NECAP2: variants seen among roughly 807,000 people sequenced by gnomAD.
NECAP2 encodes the protein NECAP endocytosis associated 2.
Under a neutral mutation model 37.8 loss-of-function variants are expected in NECAP2, and 38 were observed. The observed-to-expected ratio is 1.01, with a 90% confidence interval of 0.78 to 1.32. NECAP2 has a LOEUF of 1.32. Among genes scored for constraint, NECAP2 ranks in the 40% most tolerant of loss-of-function variants. The probability of loss-of-function intolerance (pLI) is 0.00; values close to 1 mark genes in which losing one functional copy is unlikely to be tolerated. For synonymous variants in NECAP2, 121 were observed against 127.7 expected, an observed-to-expected ratio of 0.95 and a Z score of 0.35; for missense variants, 316 against 334.5, an observed-to-expected ratio of 0.94 and a Z score of 0.43.
chr1:16,443,781 A>G (rs1473161244), intron 2 of NECAP2, 49 bp downstream of exon 2: 1 of 1,456,648 alleles, frequency 6.9e-7, no homozygotes. Flanking sequence ...ACCCCACTTT[A>G]TGAAGGGAGA....
At position 16,451,911 on chromosome 1, in the gene NECAP2, T is replaced by C. The variant is rs781648130; in HGVS notation, c.563T>C (p.Leu188Pro). 6.2e-7 allele frequency: 1 copy of C among 1,614,076 alleles called. No individual in the cohort carries two copies. Among genetic ancestry groups the C allele is most frequent in the Non-Finnish European group, 8.5e-7 (1 of 1,179,952 alleles). ...RPASTGGLSL[L>P]PPPPGGKTST... ...GCCAGCACAGGAGGGCTGAGCCTGC[T>C]TCCCCCTCCCCCAGGGGGGAAAACC... Residue 188 changes from leucine (L) to proline (P), a missense_variant, in exon 6 of 8, where the codon CTT becomes CCT. Physicochemically the swap from Leu to Pro is moderately conservative, Grantham distance 98. Around this residue, in one of 3 missense-constraint regions of NECAP2, gnomAD observed 204 missense variants for 188.6 expected, o/e 1.08. Transcript: ENST00000337132.
Position 16,451,947 on chromosome 1 carries a change from T to C in NECAP2, c.599T>C (p.Ile200Thr). ...CCAGGGGGGAAAACCTCCACCCTGA[T>C]CCCTCCCCCTGGGGAGCAGTTGGCT... ...PPPGGKTSTLIPPPGEQLAVG... is the reference protein window; with the variant it reads ...PPPGGKTSTLTPPPGEQLAVG... The change falls in exon 6 of 8, where the codon ATC becomes ACC. Residue 200 changes from isoleucine (I) to threonine (T), a missense_variant. Coordinates refer to ENST00000337132, the MANE Select transcript of NECAP2 (RefSeq NM_018090.5). 6.2e-7 allele frequency: 1 copy of C among 1,613,222 alleles called. No homozygotes were observed. The highest frequency in any genetic ancestry group is 8.5e-7 in the Non-Finnish European group (1 of 1,179,502).
chr1:16,447,118 C>T (rs1319123212), intron 2 of NECAP2, among the ~76,000 whole-genome samples: 3 of 151,412 alleles, frequency 2.0e-5, no homozygotes, highest in African/African-American at 7.3e-5. Context: ...ACGCACCCCA[C>T]TTCAGCCTCC....
rs151337825 is a variant in NECAP2 at position 16,449,965 on chromosome 1, A to G, written c.489+764A>G. 236 of 299,544 alleles carry G rather than the reference A, an allele frequency of 7.9e-4. 3 individuals carry two copies. Among genetic ancestry groups the G allele is most frequent in the South Asian group, 4.9e-3 (176 of 36,284 alleles). The allele number at this position is 299,544 out of a possible 1,614,324, so 18.6% of individuals were successfully genotyped here. On this transcript the variant is annotated intron_variant, in intron 5 of 7. Transcript: ENST00000337132. ...TCAGAGTCATGATTGCGGGGACCCA[A>G]GGACCAAGTGGATTGGTTTTTGTTT...
chr1:16,449,050 G>C (rs371401974), intron 4 of NECAP2, 43 bp from the exon 5 acceptor site: 2 of 1,340,988 alleles, frequency 1.5e-6, no homozygotes, highest in South Asian at 1.3e-5. Flanking sequence ...CAGGGCAGCT[G>C]GTCTCTTCCT....
intron 4 of NECAP2, 75 bp downstream of exon 4, chr1:16,448,216 T>C (rs2086791231): frequency 2.1e-6 from 3 of 1,401,274 alleles, no homozygotes; most frequent in South Asian, 2.3e-5. Context: ...CAGGTTAGGA[T>C]ACCCAAGTGT....
intron 4 of NECAP2, 23 bp downstream of exon 4, chr1:16,448,164 C>T (rs755029881): frequency 2.1e-5 from 33 of 1,589,328 alleles, no homozygotes; most frequent in Admixed American, 8.3e-5. Context: ...GGGAGACACA[C>T]GCTCATGCCC....
At chr1:16,455,643 G>T in intron 6 of NECAP2, 175 bp from the exon 7 acceptor site, 1 of 600,658 alleles carries the variant, frequency 1.7e-6, no homozygotes, top group Non-Finnish European at 3.0e-6. Flanking sequence ...TGGAAGTGTG[G>T]CAACTCAGGG....
rs760702474 is a variant in NECAP2 at position 16,440,862 on chromosome 1, C to A, written c.92+9C>A. On this transcript the variant is annotated intron_variant, in intron 1 of 7. Coordinates refer to ENST00000337132, the MANE Select transcript of NECAP2 (RefSeq NM_018090.5). ...ACCAACCGTGGCTACAGGTGACTAC[C>A]CACCGCCAGACCAGGCTAGCTCCAA... 2 of 1,610,144 alleles carry A rather than the reference C, an allele frequency of 1.2e-6. No individual in the cohort carries two copies. The highest frequency in any genetic ancestry group is 1.7e-6 in the Non-Finnish European group (2 of 1,176,344).
chr1:16,443,852 A>T, intron 2 of NECAP2, 120 bp downstream of exon 2: 1 of 724,252 alleles, frequency 1.4e-6, no homozygotes, highest in East Asian at 2.7e-5. Context: ...AAAATCAGAG[A>T]CGTGTGTGTA....
chr1:16,454,755 G>T (rs897664741), intron 6 of NECAP2, among the ~76,000 whole-genome samples: 1 of 152,176 alleles, frequency 6.6e-6, no homozygotes, highest in Non-Finnish European at 1.5e-5. Flanking sequence ...TTCTTGTGAG[G>T]ATCAAATAAG....
In NECAP2 at chr1:16,455,803, C is replaced by G. The variant is rs780960300; in HGVS notation, c.668-15C>G. On this transcript the variant is annotated splice_polypyrimidine_tract_variant and intron_variant, in intron 6 of 7. Transcript: ENST00000337132. ...CTCTTCTCTTCCTACGGGTCGGACT[C>G]GGGAACATCAATAGGAGGTGCTCCT... 8.1e-6 allele frequency: 13 copies of G among 1,610,868 alleles called. No individual in the cohort carries two copies. The South Asian group carries it at 1.3e-4, about 16-fold the overall frequency.
At chr1:16,445,145 C>G (rs1321109576) in intron 2 of NECAP2, among the ~76,000 whole-genome samples, 1 of 152,184 alleles carries the variant, frequency 6.6e-6, no homozygotes, top group Admixed American at 6.5e-5. Context: ...TAACATGACT[C>G]CCTAACGTAA....
chr1:16,448,962 A>C, intron 4 of NECAP2, 131 bp from the exon 5 acceptor site: 1 of 628,170 alleles, frequency 1.6e-6, no homozygotes, highest in Non-Finnish European at 2.8e-6. Flanking sequence ...CCAAGCCTGC[A>C]CTCTTTCCAG....
intron 7 of NECAP2, among the ~76,000 whole-genome samples, chr1:16,457,900 G>A (rs1250490469): frequency 1.3e-5 from 2 of 151,592 alleles, no homozygotes; most frequent in East Asian, 1.9e-4. Flanking sequence ...TAGTAGAGGC[G>A]GGGTTTTGCT....
At position 16,440,859 on chromosome 1, in the gene NECAP2, T is replaced by C; in HGVS notation, c.92+6T>C. ...GCTACCAACCGTGGCTACAGGTGAC[T>C]ACCCACCGCCAGACCAGGCTAGCTC... is the stretch of plus-strand genomic sequence containing the variant. On this transcript the variant is annotated splice_donor_region_variant and intron_variant, in intron 1 of 7. Coordinates refer to ENST00000337132, the MANE Select transcript of NECAP2 (RefSeq NM_018090.5). 2 of 1,611,242 alleles carry C rather than the reference T, an allele frequency of 1.2e-6. No homozygotes were observed. The highest frequency in any genetic ancestry group is 1.7e-6 in the Non-Finnish European group (2 of 1,177,370).
At chr1:16,449,510 A>G (rs1318052463) in intron 5 of NECAP2, 8 of 300,488 alleles carry the variant, frequency 2.7e-5, no homozygotes, top group Non-Finnish European at 5.0e-5. Flanking sequence ...GAACCAAGGA[A>G]GGCTTCCTGG....
intron 2 of NECAP2, among the ~76,000 whole-genome samples, chr1:16,447,065 A>AGG (rs2086774229): frequency 6.7e-6 from 1 of 148,410 alleles, no homozygotes; most frequent in Non-Finnish European, 1.5e-5. Flanking sequence ...ATCTCAGGAA[A>AGG]AAAAAAAAAA....
At position 16,440,734 on chromosome 1, in the gene NECAP2, G is replaced by C; in HGVS notation, c.-28G>C. 2 of 1,602,706 alleles carry C rather than the reference G, an allele frequency of 1.2e-6. No homozygotes were observed. Among genetic ancestry groups the C allele is most frequent in the Non-Finnish European group, 1.7e-6 (2 of 1,169,760 alleles). Reference sequence around the variant, plus strand: ...GGACAGAGGAACGGTGGAAGTCGCCGGAAGTTCGGTGGGCTCCAGGCGTCG... The same window carrying C: ...GGACAGAGGAACGGTGGAAGTCGCCCGAAGTTCGGTGGGCTCCAGGCGTCG... On this transcript the variant is annotated 5_prime_UTR_variant, in exon 1 of 8. Transcript: ENST00000337132.
Sources: allele counts gnomAD v4.1 joint callset (sites outside exome capture counted in the v4.1 genomes callset), GRCh38; gene constraint gnomAD v4.1.1; regional missense constraint gnomAD v4.1.1; transcripts MANE v1.5; gene names NCBI Gene and HGNC (gene_info 2026-07-23, HGNC 2026-07-21).